Variants in RILPL2 observed in about 807,000 individuals in gnomAD.
The protein encoded by RILPL2 is RILP-like protein 2.
A neutral mutation model predicts 22.2 loss-of-function variants in RILPL2; 19 were observed. The observed-to-expected ratio is 0.86, with a 90% CI of 0.60 to 1.25. The LOEUF (loss-of-function observed/expected upper bound fraction) is 1.25, where lower values mean the gene tolerates loss of function less well. RILPL2 is among the 50% of genes most tolerant of loss of function. The pLI, the probability that RILPL2 is intolerant of heterozygous loss-of-function variation, is 0.00. For synonymous variants in RILPL2, 123 were observed against 111.6 expected, an observed-to-expected ratio of 1.10 and a Z score of -0.64; for missense variants, 243 against 263.6, an observed-to-expected ratio of 0.92 and a Z score of 0.54.
At chr12:123,419,662 G>C (rs1028724993) in intron 3 of RILPL2, among the ~76,000 whole-genome samples, 1 of 150,622 alleles carries the variant, frequency 6.6e-6, no homozygotes, top group African/African-American at 2.4e-5. Flanking sequence ...CTGGAGTGCA[G>C]GGGTGTGATC....
chr12:123,435,948 C>G lies in RILPL2; in HGVS notation c.339+134G>C, dbSNP rs115776345. 119 of 1,289,184 alleles carry G rather than the reference C, an allele frequency of 9.2e-5. No homozygotes were observed. In the Middle Eastern group the frequency reaches 1.6e-3, roughly 18 times the overall value. The allele number at this position is 1,289,184 out of a possible 1,614,324, so 79.9% of individuals were successfully genotyped here. On this transcript the variant is annotated intron_variant, in intron 1 of 3. Coordinates refer to ENST00000280571, the MANE Select transcript of RILPL2 (RefSeq NM_145058.3). ...TTTGAGACCAGCCTGGGCAACACAG[C>G]GAGATCCCATCTCTTAAAAAAAGAA...
chr12:123,411,736 G>A (rs917235927), downstream of RILPL2: 2 of 151,406 alleles, frequency 1.3e-5, no homozygotes, highest in Non-Finnish European at 2.9e-5. Flanking sequence ...TTCTTGGCCA[G>A]GCTGGTCTCG....
chr12:123,423,895 T>C (rs1481188318), intron 2 of RILPL2, among the ~76,000 whole-genome samples: 2 of 151,118 alleles, frequency 1.3e-5, no homozygotes, highest in Non-Finnish European at 3.0e-5. Context: ...CCCAGTGATC[T>C]GCCCGCCTCA....
chr12:123,428,176 G>A (rs536874777), intron 2 of RILPL2, among the ~76,000 whole-genome samples: 8 of 151,894 alleles, frequency 5.3e-5, no homozygotes, highest in Admixed American at 1.3e-4. Context: ...TCGCTCTTCC[G>A]CCCAGGCTGG....
chr12:123,436,207 G>C lies in RILPL2; in HGVS notation c.214C>G (p.Leu72Val). The C allele has an allele frequency of 6.2e-7, 1 of 1,612,444 alleles. No homozygotes were observed. The highest frequency in any genetic ancestry group is 8.5e-7 in the Non-Finnish European group (1 of 1,179,358). Residue 72 changes from leucine to valine, a missense_variant, in exon 1 of 4, where the codon CTG (leucine) becomes GTG (valine). By Grantham distance (32) the Leu-to-Val change is conservative. Coordinates refer to ENST00000280571, the MANE Select transcript of RILPL2 (RefSeq NM_145058.3). This position sits in a 1 kb window ranked among gnomAD's most constrained non-coding sequence, Gnocchi z 6.7. ...TQLQFKVVRVLEMLEALVNEG... is the reference protein window; with the variant it reads ...TQLQFKVVRVVEMLEALVNEG... ...TTCACCAGCGCCTCCAGCATCTCCA[G>C]GACGCGGACGACTTTGAACTGCAGC... is the stretch of plus-strand genomic sequence containing the variant.
chr12:123,418,756 C>CTTTTTTTTTTTTTTTTTT (rs1202023726), intron 3 of RILPL2, among the ~76,000 whole-genome samples: 12 of 96,236 alleles, frequency 1.2e-4, no homozygotes, highest in South Asian at 4.1e-4. Flanking sequence ...CTTTTTCTTT[C>CTTTTTTTTTTTTTTTTTT]TTTTTTTTTT....
At chr12:123,421,340 C>G (rs1230794301) in intron 3 of RILPL2, among the ~76,000 whole-genome samples, 1 of 152,130 alleles carries the variant, frequency 6.6e-6, no homozygotes, top group East Asian at 1.9e-4. Flanking sequence ...TCTGGCTTAG[C>G]TATGGCGAAT....
downstream of RILPL2, chr12:123,414,023 A>C (rs1446249379): frequency 6.5e-6 from 1 of 153,390 alleles, no homozygotes; most frequent in Non-Finnish European, 1.4e-5. Flanking sequence ...CCACGTCCCC[A>C]GCAGACTCAG....
intron 3 of RILPL2, 121 bp from the exon 4 acceptor site, chr12:123,416,042 G>C (rs1017737125): frequency 2.1e-6 from 2 of 966,526 alleles, no homozygotes; most frequent in Admixed American, 3.4e-5. Context: ...GTCCAGGCCA[G>C]GCATTGTGGC....
chr12:123,430,785 G>A, intron 1 of RILPL2, 126 bp from the exon 2 acceptor site: 4 of 654,778 alleles, frequency 6.1e-6, no homozygotes, highest in Non-Finnish European at 6.0e-6. Flanking sequence ...TTGGCTCCCT[G>A]CAACTTCGGG....
intron 2 of RILPL2, among the ~76,000 whole-genome samples, 159 bp downstream of exon 2, chr12:123,430,349 C>T (rs1879600081): frequency 1.3e-5 from 2 of 151,988 alleles, no homozygotes; most frequent in Non-Finnish European, 1.5e-5. Flanking sequence ...GCAGAGGTTG[C>T]AGTGAGCCGA....
intron 3 of RILPL2, among the ~76,000 whole-genome samples, chr12:123,417,980 G>T (rs577634711): frequency 4.6e-5 from 7 of 152,138 alleles, no homozygotes; most frequent in Non-Finnish European, 7.3e-5. Flanking sequence ...ATCTTGCTCT[G>T]TCATCCAGGC....
intron 2 of RILPL2, among the ~76,000 whole-genome samples, chr12:123,429,120 T>C (rs993751536): frequency 6.6e-5 from 10 of 152,110 alleles, no homozygotes; most frequent in African/African-American, 2.4e-4. Flanking sequence ...ATTTTGTATA[T>C]GGTACCACTG....
intron 3 of RILPL2, among the ~76,000 whole-genome samples, chr12:123,420,714 G>A (rs981273547): frequency 1.3e-5 from 2 of 152,190 alleles, no homozygotes; most frequent in East Asian, 3.9e-4. Context: ...TGGGTTTACA[G>A]GCGTCAGCCA....
At chr12:123,428,176 G>T (rs536874777) in intron 2 of RILPL2, among the ~76,000 whole-genome samples, 1 of 151,894 alleles carries the variant, frequency 6.6e-6, no homozygotes, top group South Asian at 2.1e-4. Context: ...TCGCTCTTCC[G>T]CCCAGGCTGG....
intron 2 of RILPL2, 112 bp from the exon 3 acceptor site, chr12:123,423,269 T>G (rs1879341199): frequency 3.0e-6 from 2 of 661,210 alleles, no homozygotes; most frequent in East Asian, 5.9e-5. Flanking sequence ...TGGCGCCATC[T>G]CAGCTCACTG....
At chr12:123,413,507 G>C (rs1231006429), downstream of RILPL2, 1 of 153,786 alleles carries the variant, frequency 6.5e-6, no homozygotes, top group Non-Finnish European at 1.4e-5. Flanking sequence ...TGGGCTCCTG[G>C]TCTCCCTAGC....
At chr12:123,414,017 G>A (rs1004560172), downstream of RILPL2, 7 of 153,218 alleles carry the variant, frequency 4.6e-5, no homozygotes, top group African/African-American at 1.7e-4. Flanking sequence ...GGTTCTCCAC[G>A]TCCCCAGCAG....
intron 2 of RILPL2, among the ~76,000 whole-genome samples, chr12:123,424,175 A>T (rs1879369125): frequency 6.6e-6 from 1 of 152,204 alleles, no homozygotes; most frequent in Non-Finnish European, 1.5e-5. Flanking sequence ...ACTGTGGTTA[A>T]TAAATATTTT....
Sources: gnomAD v4.1 joint callset for allele counts (sites outside exome capture counted in the v4.1 genomes callset) on GRCh38, gnomAD v4.1.1 for gene constraint, Gnocchi (gnomAD v3.1) non-coding constraint, MANE v1.5 for transcripts, NCBI Gene and HGNC (gene_info 2026-07-23, HGNC 2026-07-21) for gene names.